Variants in OR4K1 observed in about 807,000 individuals in gnomAD.
The protein encoded by OR4K1 is olfactory receptor family 4 subfamily K member 1.
Under a neutral mutation model 14.4 loss-of-function variants are expected in OR4K1, and 16 were observed. The ratio of observed to expected loss-of-function variants is 1.11; its 90% CI spans 0.75 to 1.68. The LOEUF (loss-of-function observed/expected upper bound fraction) is 1.68, where lower values mean the gene tolerates loss of function less well. OR4K1 is among the 40% of genes most tolerant of loss of function. OR4K1 has a pLI of 0.00. For missense variants in OR4K1, 548 were observed against 376.9 expected (o/e 1.45, Z -3.76); for synonymous variants, 181 against 133.1 (o/e 1.36, Z -2.48).
chr14:19,928,805 A>G (rs374129059), upstream of OR4K1, among the ~76,000 whole-genome samples: 11 of 152,250 alleles, frequency 7.2e-5, no homozygotes, highest in East Asian at 1.7e-3. Flanking sequence ...TGTTCTTTTG[A>G]ACTCCTTGTG....
At chr14:19,920,473 T>C in the OR4K1 span, 2 of 1,147,442 alleles carry the variant, frequency 1.7e-6, no homozygotes, top group Non-Finnish European at 2.4e-6. Flanking sequence ...TCAAAATTTT[T>C]GCATTCAGCA....
Position 19,936,482 on chromosome 14 carries a change from T to A in OR4K1, c.816T>A (p.Ser272=). 1 of 1,613,996 alleles carries A rather than the reference T, an allele frequency of 6.2e-7. No homozygotes were observed. The highest frequency in any genetic ancestry group is 8.5e-7 in the Non-Finnish European group (1 of 1,180,022). The change falls in exon 2 of 2, where the codon TCT becomes TCA. Residue 272 remains serine (S), a synonymous_variant. Transcript: ENST00000641172. ...FSRLPVDKFL[S]VFYTVCTPLL... is the part of the protein sequence containing the mutation. Reference sequence around the variant, plus strand: ...GACTTCCTGTGGACAAATTTCTTTCTGTGTTCTACACTGTTTGTACTCCCT... The same window carrying A: ...GACTTCCTGTGGACAAATTTCTTTCAGTGTTCTACACTGTTTGTACTCCCT...
Position 19,936,604 on chromosome 14 carries a change from G to T in OR4K1, c.*2G>T. ...CATGTGAACTCCTGGAAAAACTAGG[G>T]ATCATTACGAAGGAGCATAATCCTG... On this transcript the variant is annotated 3_prime_UTR_variant, in exon 2 of 2. Transcript: ENST00000641172. 2 of 1,593,092 alleles carry T rather than the reference G, an allele frequency of 1.3e-6. No individual in the cohort carries two copies. Among genetic ancestry groups the T allele is most frequent in the Non-Finnish European group, 1.7e-6 (2 of 1,170,754 alleles).
At chr14:19,922,618 G>A in the OR4K1 span, among the ~76,000 whole-genome samples, 2 of 150,288 alleles carry the variant, frequency 1.3e-5, no homozygotes, top group Non-Finnish European at 3.0e-5. Context: ...AACTGAAGAC[G>A]ATTCAGATTC....
the OR4K1 span, among the ~76,000 whole-genome samples, chr14:19,922,957 T>C: frequency 6.6e-6 from 1 of 152,274 alleles, no homozygotes; most frequent in Non-Finnish European, 1.5e-5. Context: ...TTTTTTTGTG[T>C]GTATGTGTCT....
Position 19,936,156 on chromosome 14 carries a change from G to C in OR4K1, c.490G>C (p.Val164Leu). 1.2e-6 allele frequency: 2 copies of C among 1,614,244 alleles called. No homozygotes were observed. Among genetic ancestry groups the C allele is most frequent in the Non-Finnish European group, 1.7e-6 (2 of 1,180,034 alleles). ...LHSVSHLAFT[V>L]DLPFCGPNEV... is the part of the protein sequence containing the mutation. ...TTCTGTGAGCCACTTGGCTTTTACA[G>C]TGGACCTGCCATTCTGTGGTCCCAA... The change falls in exon 2 of 2, where the codon GTG becomes CTG. Residue 164 changes from valine to leucine, a missense_variant. Physicochemically the swap from Val to Leu is conservative, Grantham distance 32 (BLOSUM62 1). Transcript: ENST00000641172.
chr14:19,922,485 C>A, the OR4K1 span, among the ~76,000 whole-genome samples: 3 of 152,306 alleles, frequency 2.0e-5, no homozygotes, highest in South Asian at 6.2e-4. Context: ...ATCTAGGGGG[C>A]CTCACTCATA....
rs758732917 is a variant in OR4K1, at chr14:19,936,027, G to A, written c.361G>A (p.Asp121Asn). The change falls in exon 2 of 2, where the codon GAC becomes AAC. Residue 121 changes from aspartate to asparagine, a missense_variant. Asp to Asn is a conservative substitution (Grantham distance 23). Coordinates refer to ENST00000641172, the MANE Select transcript of OR4K1 (RefSeq NM_001004063.3). Reference protein sequence around the residue: ...EMMLLVAMAYDRFIAICKPLH... With the variant: ...EMMLLVAMAYNRFIAICKPLH... ...GATGTTGCTTGTAGCTATGGCATAT[G>A]ACAGATTTATAGCCATATGTAAGCC... is the stretch of plus-strand genomic sequence containing the variant. 2 of 1,614,122 alleles carry A rather than the reference G, an allele frequency of 1.2e-6. No homozygotes were observed. Among genetic ancestry groups the A allele is most frequent in the African/African-American group, 1.3e-5 (1 of 74,954 alleles).
chr14:19,931,871 C>G (rs914891795), intron 1 of OR4K1, among the ~76,000 whole-genome samples: 1 of 152,216 alleles, frequency 6.6e-6, no homozygotes, highest in Non-Finnish European at 1.5e-5. Context: ...TTTATAAACT[C>G]CATGTGTTTC....
chr14:19,934,675 A>ATT (rs34941850), intron 1 of OR4K1, among the ~76,000 whole-genome samples: 134 of 147,788 alleles, frequency 9.1e-4, no homozygotes, highest in African/African-American at 2.9e-3. Flanking sequence ...TTCTTTTAAC[A>ATT]TTTTTTTTTT....
chr14:19,928,324 A>G (rs917301572), upstream of OR4K1, among the ~76,000 whole-genome samples: 4 of 152,116 alleles, frequency 2.6e-5, no homozygotes, highest in African/African-American at 9.7e-5. Flanking sequence ...CTAGTGGTTT[A>G]TTGAATGTCT....
At position 19,933,168 on chromosome 14, in the gene OR4K1, C is replaced by G. The variant is rs540253884; in HGVS notation, c.-20+2023C>G. ...TTCATTATTATTACAGTATAATGAA[C>G]TGGTATATATTCTATACCAATAGAA... On this transcript the variant is annotated intron_variant, in intron 1 of 1. Coordinates refer to ENST00000641172, the MANE Select transcript of OR4K1 (RefSeq NM_001004063.3). 6.6e-5 allele frequency among the ~76,000 whole-genome samples: 10 copies of G among 151,672 alleles called. No homozygotes were observed. In the South Asian group the frequency reaches 1.9e-3, roughly 28 times the overall value.
chr14:19,936,603 G>A lies in OR4K1; in HGVS notation c.*1G>A, dbSNP rs757552820. 1 of 1,593,260 alleles carries A rather than the reference G, an allele frequency of 6.3e-7. No individual in the cohort carries two copies. The highest frequency in any genetic ancestry group is 1.8e-5 in the Admixed American group (1 of 56,548). Reference sequence around the variant, plus strand: ...TCATGTGAACTCCTGGAAAAACTAGGGATCATTACGAAGGAGCATAATCCT... The same window carrying A: ...TCATGTGAACTCCTGGAAAAACTAGAGATCATTACGAAGGAGCATAATCCT... On this transcript the variant is annotated 3_prime_UTR_variant, in exon 2 of 2. Transcript: ENST00000641172.
At chr14:19,921,539 T>C in the OR4K1 span, 1 of 1,613,642 alleles carries the variant, frequency 6.2e-7, no homozygotes. Context: ...CAAGGAGAAT[T>C]TCTGAAATGT....
At chr14:19,924,591 T>C in the OR4K1 span, among the ~76,000 whole-genome samples, 11 of 152,184 alleles carry the variant, frequency 7.2e-5, no homozygotes, top group Non-Finnish European at 1.5e-4. Context: ...TTTTACACTG[T>C]TGGTGAGAGT....
At chr14:19,923,021 C>G in the OR4K1 span, among the ~76,000 whole-genome samples, 5 of 152,344 alleles carry the variant, frequency 3.3e-5, no homozygotes, top group Middle Eastern at 6.8e-3. Context: ...TTTAGATTTT[C>G]TTCTGTAAAT....
chr14:19,933,190 A>G (rs1209423298), intron 1 of OR4K1, among the ~76,000 whole-genome samples: 1 of 151,740 alleles, frequency 6.6e-6, no homozygotes, highest in East Asian at 1.9e-4. Flanking sequence ...CTATACCAAT[A>G]GAAGTATAAT....
upstream of OR4K1, among the ~76,000 whole-genome samples, chr14:19,930,694 C>T (rs557606432): frequency 6.6e-6 from 1 of 152,198 alleles, no homozygotes; most frequent in African/African-American, 2.4e-5. Context: ...TAATCTTTTG[C>T]TTTCATATGT....
the OR4K1 span, among the ~76,000 whole-genome samples, chr14:19,922,125 G>T: frequency 6.6e-6 from 1 of 151,330 alleles, no homozygotes; most frequent in Non-Finnish European, 1.5e-5. Flanking sequence ...TAGCTAAAAT[G>T]CTTTAAAATA....
Sources: gnomAD v4.1 joint callset for allele counts (sites outside exome capture counted in the v4.1 genomes callset) on GRCh38, gnomAD v4.1.1 for gene constraint, MANE v1.5 for transcripts, NCBI Gene and HGNC (gene_info 2026-07-23, HGNC 2026-07-21) for gene names.